The following MACROD2 variants were observed in gnomAD, a reference collection of about 807,000 sequenced individuals.
MACROD2 encodes mono-ADP ribosylhydrolase 2, also known as ADP-ribose glycohydrolase MACROD2.
Under a neutral mutation model 70.4 loss-of-function variants are expected in MACROD2, and 36 were observed. The observed-to-expected ratio is 0.51, with a 90% CI of 0.39 to 0.68. The LOEUF is 0.68. Among genes scored for constraint, MACROD2 ranks in the 30% least tolerant of loss-of-function variants. MACROD2 has a pLI of 0.00. For synonymous variants in MACROD2, 172 were observed against 178.8 expected (o/e 0.96, Z 0.30); for missense variants, 496 against 538.4 (o/e 0.92, Z 0.78).
intron 12 of MACROD2, among the ~76,000 whole-genome samples, chr20:15,958,891 AAG>A (rs951452143): frequency 6.6e-6 from 1 of 152,212 alleles, no homozygotes; most frequent in African/African-American, 2.4e-5. Flanking sequence ...GCAAGCTGGC[AAG>A]AGAGCCTTCG....
At chr20:15,323,064 A>G (rs1357681236) in intron 6 of MACROD2, among the ~76,000 whole-genome samples, 1 of 150,952 alleles carries the variant, frequency 6.6e-6, no homozygotes, top group Non-Finnish European at 1.5e-5. Context: ...AGGTAGAATA[A>G]TGCTGTATGT....
At chr20:15,075,676 A>C (rs970348275) in intron 5 of MACROD2, among the ~76,000 whole-genome samples, 1 of 152,148 alleles carries the variant, frequency 6.6e-6, no homozygotes, top group African/African-American at 2.4e-5. Flanking sequence ...TGCCCTGAGT[A>C]AACTCCTCCT....
intron 8 of MACROD2, among the ~76,000 whole-genome samples, chr20:15,503,105 T>C (rs1383396406): frequency 6.6e-6 from 1 of 152,176 alleles, no homozygotes; most frequent in Non-Finnish European, 1.5e-5. Context: ...AAATTAGTAA[T>C]GTCTGTTATA....
At chr20:14,783,250 G>A (rs753671827) in intron 5 of MACROD2, among the ~76,000 whole-genome samples, 22 of 152,088 alleles carry the variant, frequency 1.4e-4, no homozygotes, top group Non-Finnish European at 2.5e-4. Context: ...GCTCACAAAG[G>A]CCTGCAAGAA....
chr20:14,387,601 A>G (rs183036950), intron 3 of MACROD2, among the ~76,000 whole-genome samples: 20 of 152,362 alleles, frequency 1.3e-4, no homozygotes, highest in Non-Finnish European at 5.9e-5. Context: ...ACAGCCAAGC[A>G]TATAAAAACA....
chr20:15,160,358 T>G (rs453600), intron 5 of MACROD2, among the ~76,000 whole-genome samples: 89,017 of 151,402 alleles, frequency 0.59, 26,252 homozygotes, highest in East Asian at 0.62. Flanking sequence ...AGACAACAAT[T>G]CCAAAGTTTC....
intron 5 of MACROD2, among the ~76,000 whole-genome samples, chr20:14,813,367 T>G (rs956763961): frequency 2.1e-5 from 3 of 144,770 alleles, no homozygotes; most frequent in Admixed American, 6.8e-5. Flanking sequence ...TCCCACCCCT[T>G]CAGGCCCCAG....
chr20:14,825,937 TTTTTA>T (rs1264863987), intron 5 of MACROD2, among the ~76,000 whole-genome samples: 3 of 152,244 alleles, frequency 2.0e-5, no homozygotes, highest in South Asian at 4.1e-4. Context: ...CTTCACCTTG[TTTTTA>T]CAAGCAAAGG....
At chr20:14,180,575 T>G (rs6079337) in intron 3 of MACROD2, among the ~76,000 whole-genome samples, 80,031 of 151,976 alleles carry the variant, frequency 0.53, 22,743 homozygotes, top group Non-Finnish European at 0.62. Context: ...TGTTCAGGCA[T>G]TTAGATTATC....
intron 4 of MACROD2, among the ~76,000 whole-genome samples, chr20:14,588,503 T>C (rs1981538171): frequency 1.3e-5 from 2 of 152,208 alleles, no homozygotes; most frequent in Admixed American, 1.3e-4. Flanking sequence ...AGTTTTTCTT[T>C]TTTTCTCTGT....
chr20:16,035,077 T>C (rs1383002145), intron 15 of MACROD2, among the ~76,000 whole-genome samples: 2 of 52,908 alleles, frequency 3.8e-5, no homozygotes, highest in Non-Finnish European at 1.1e-4. Context: ...ATATAAAATA[T>C]AATATGTAAT....
intron 5 of MACROD2, among the ~76,000 whole-genome samples, chr20:14,977,462 TACACACACACACACACACACAC>T (rs3045702): frequency 7.4e-6 from 1 of 135,016 alleles, no homozygotes; most frequent in Non-Finnish European, 1.6e-5. Context: ...AAGAAAAAGA[TACACACACACACACACACACAC>T]ACACACACAC....
chr20:15,230,749 G>C (rs767934110), intron 6 of MACROD2, among the ~76,000 whole-genome samples: 6 of 151,974 alleles, frequency 3.9e-5, no homozygotes, highest in Non-Finnish European at 4.4e-5. Context: ...GCTGGATTTG[G>C]AGGTATTTAC....
intron 1 of MACROD2, among the ~76,000 whole-genome samples, chr20:14,000,485 A>G (rs1269940479): frequency 2.6e-5 from 4 of 152,208 alleles, no homozygotes; most frequent in Non-Finnish European, 5.9e-5. Context: ...ATTACCTTAA[A>G]CTAGATACTA....
chr20:14,487,191 A>G (rs1024866065), intron 3 of MACROD2, among the ~76,000 whole-genome samples: 6 of 152,184 alleles, frequency 3.9e-5, no homozygotes, highest in Non-Finnish European at 5.9e-5. Context: ...GACACTGTAA[A>G]TCAGGTCATG....
At chr20:14,261,779 A>G (rs753760796) in intron 3 of MACROD2, among the ~76,000 whole-genome samples, 2 of 152,190 alleles carry the variant, frequency 1.3e-5, no homozygotes, top group Non-Finnish European at 2.9e-5. Flanking sequence ...TCTACAATAT[A>G]CTTTACATAT....
chr20:15,011,374 C>G (rs1039302503), intron 5 of MACROD2, among the ~76,000 whole-genome samples: 2 of 152,104 alleles, frequency 1.3e-5, no homozygotes, highest in African/African-American at 4.8e-5. Context: ...ATCTCTTTTA[C>G]TAAATGTTAT....
chr20:14,402,686 C>T (rs1218279578), intron 3 of MACROD2, among the ~76,000 whole-genome samples: 6 of 152,048 alleles, frequency 3.9e-5, no homozygotes, highest in African/African-American at 7.2e-5. Context: ...CACTTGATGC[C>T]CTTTTCTTTA....
At chr20:15,871,721 A>G (rs1342527663) in intron 9 of MACROD2, among the ~76,000 whole-genome samples, 1 of 152,208 alleles carries the variant, frequency 6.6e-6, no homozygotes, top group Non-Finnish European at 1.5e-5. Flanking sequence ...GGTAAGCAAC[A>G]TAGAGGGAGA....
Sources: allele counts gnomAD v4.1 joint callset (sites outside exome capture counted in the v4.1 genomes callset), GRCh38; gene constraint gnomAD v4.1.1; transcripts MANE v1.5; gene names NCBI Gene and HGNC (gene_info 2026-07-23, HGNC 2026-07-21).